Variants in RO60 observed in about 807,000 individuals in gnomAD.
RO60 encodes Ro60, Y RNA binding protein.
In RO60, 20 loss-of-function variants were observed where a neutral mutation model predicts 55.3. The ratio of observed to expected loss-of-function variants is 0.36; its 90% CI spans 0.25 to 0.53. The LOEUF is 0.53. RO60 is among the 20% of genes least tolerant of loss of function. The pLI, the probability that RO60 is intolerant of heterozygous loss-of-function variation, is 0.92. For synonymous variants in RO60, 213 were observed against 213.6 expected, an observed-to-expected ratio of 1.00 and a Z score of 0.02; for missense variants, 558 against 646.6, an observed-to-expected ratio of 0.86 and a Z score of 1.49.
intron 5 of RO60, among the ~76,000 whole-genome samples, chr1:193,079,132 G>C (rs1413895146): frequency 7.9e-6 from 1 of 125,910 alleles, no homozygotes; most frequent in African/African-American, 3.0e-5. Context: ...GTGCCACCCA[G>C]TTTGGAGTGC....
rs964344237 is a variant in RO60 at position 193,076,135 on chromosome 1, T to G, written c.801+95T>G. The G allele has an allele frequency of 8.3e-6, 6 of 725,786 alleles. No individual in the cohort carries two copies. The African/African-American group carries it at 9.3e-5, about 11-fold the overall frequency. 45.0% of individuals were successfully genotyped at this position (725,786 alleles called of 1,614,324 possible). On this transcript the variant is annotated intron_variant, in intron 3 of 8. Coordinates refer to ENST00000400968, the MANE Select transcript of RO60 (RefSeq NM_001173524.2). ...CTTGGGGTAGCTATATATTTATACT[T>G]TTAAAAAGAAATTATTTAAAATATA...
chr1:193,067,767 G>A (rs969998581), intron 1 of RO60, among the ~76,000 whole-genome samples: 9 of 152,192 alleles, frequency 5.9e-5, no homozygotes, highest in Non-Finnish European at 1.2e-4. Flanking sequence ...AGTTCTAGGA[G>A]TTTTAGAGCT....
intron 2 of RO60, among the ~76,000 whole-genome samples, chr1:193,075,118 G>C (rs1673814154): frequency 6.6e-6 from 1 of 152,032 alleles, no homozygotes. Context: ...TTTTAATGTT[G>C]TAATCCAATC....
intron 8 of RO60, among the ~76,000 whole-genome samples, chr1:193,083,072 T>G (rs890483459): frequency 6.6e-6 from 1 of 152,152 alleles, no homozygotes; most frequent in South Asian, 2.1e-4. Context: ...TATTCACTTA[T>G]GTGTTTCAAA....
intron 5 of RO60, among the ~76,000 whole-genome samples, chr1:193,078,391 A>G (rs991509858): frequency 6.6e-6 from 1 of 152,218 alleles, no homozygotes; most frequent in Admixed American, 6.5e-5. Context: ...TTAATTCCAC[A>G]TAGTATTGGA....
At chr1:193,070,025 C>G (rs1024866884) in intron 2 of RO60, among the ~76,000 whole-genome samples, 14 of 151,716 alleles carry the variant, frequency 9.2e-5, no homozygotes, top group African/African-American at 1.5e-4. Context: ...AGTTACTCAT[C>G]AGATATTCAA....
intron 5 of RO60, among the ~76,000 whole-genome samples, chr1:193,078,848 A>G (rs999119000): frequency 6.6e-6 from 1 of 151,104 alleles, no homozygotes; most frequent in Non-Finnish European, 1.5e-5. Flanking sequence ...TCCCAATGGC[A>G]TGTTTTACAG....
Position 193,086,749 on chromosome 1 carries a change from G to A in RO60, c.*2018G>A, listed in dbSNP as rs1674640270. 1 of 152,058 alleles carries A rather than the reference G, an allele frequency of 6.6e-6. No individual in the cohort carries two copies. Among genetic ancestry groups the A allele is most frequent in the African/African-American group, 2.4e-5 (1 of 41,426 alleles). The allele number at this position is 152,058 out of a possible 1,614,324, so 9.4% of individuals were successfully genotyped here. ...ATCCATCAAGGATACAAGATTGGAT[G>A]GATATGACCTTTCTGAAGTATTTAG... On this transcript the variant is annotated 3_prime_UTR_variant, in exon 9 of 9. Coordinates refer to ENST00000400968, the MANE Select transcript of RO60 (RefSeq NM_001173524.2).
intron 2 of RO60, among the ~76,000 whole-genome samples, chr1:193,074,510 T>C (rs1239666015): frequency 1.3e-5 from 2 of 152,238 alleles, no homozygotes; most frequent in Non-Finnish European, 1.5e-5. Flanking sequence ...TGTTTTCATA[T>C]GTCTTTTGGC....
In RO60 at chr1:193,085,005, T is replaced by C. The variant is rs1487378019; in HGVS notation, c.*274T>C. On this transcript the variant is annotated 3_prime_UTR_variant, in exon 9 of 9. Coordinates refer to ENST00000400968, the MANE Select transcript of RO60 (RefSeq NM_001173524.2). The stretch of plus-strand genomic sequence containing the variant: ...TGTTAACAGACACTGTAAAATAGTT[T>C]TGCTTTGTTGAATAATACGTGTGTA... 8.4e-6 allele frequency: 13 copies of C among 1,544,554 alleles called. No homozygotes were observed. The highest frequency in any genetic ancestry group is 1.2e-5 in the South Asian group (1 of 83,646).
chr1:193,076,863 A>C (rs2103056560), intron 4 of RO60, 50 bp from the exon 5 acceptor site: 2 of 1,566,292 alleles, frequency 1.3e-6, no homozygotes, highest in East Asian at 4.5e-5. Context: ...TCTAAGGAGT[A>C]TACATAATCA....
rs765062215 is a variant in RO60, at chr1:193,059,782, G to T, written c.-22+6G>T. 7.4e-7 allele frequency: 1 copy of T among 1,356,682 alleles called. No individual in the cohort carries two copies. The highest frequency in any genetic ancestry group is 9.8e-7 in the Non-Finnish European group (1 of 1,017,398). The allele number at this position is 1,356,682 out of a possible 1,614,324, so 84.0% of individuals were successfully genotyped here. On this transcript the variant is annotated splice_donor_region_variant and intron_variant, in intron 1 of 8. Transcript: ENST00000400968. The surrounding 1 kb of genome is among the most constrained non-coding windows in gnomAD (Gnocchi z 4.9). Reference sequence around the variant, plus strand: ...GGGTCGGCTGCCAGGTACAGGTGAGGACATTGCGGGAGGCCGGCTGGGAGC... The same window carrying T: ...GGGTCGGCTGCCAGGTACAGGTGAGTACATTGCGGGAGGCCGGCTGGGAGC...
intron 1 of RO60, among the ~76,000 whole-genome samples, chr1:193,065,947 AT>A (rs1292088982): frequency 6.6e-6 from 1 of 152,062 alleles, no homozygotes; most frequent in Non-Finnish European, 1.5e-5. Context: ...CCATGCACTT[AT>A]CCCTACACCA....
In RO60 at chr1:193,085,294, CAAAT is replaced by C; in HGVS notation, c.*566_*569del. On this transcript the variant is annotated 3_prime_UTR_variant, in exon 9 of 9. Transcript: ENST00000400968. ...CTTTCAGAGTTTTACTAAGATCACA[CAAAT>C]AACAGCTTTCTTATTCAGTGAAAAA... The C allele has an allele frequency of 9.3e-7, 1 of 1,079,922 alleles. No homozygotes were observed. The allele number at this position is 1,079,922 out of a possible 1,614,324, so 66.9% of individuals were successfully genotyped here.
At chr1:193,079,173 C>T (rs914872332) in intron 5 of RO60, among the ~76,000 whole-genome samples, 23 of 150,850 alleles carry the variant, frequency 1.5e-4, no homozygotes, top group African/African-American at 3.9e-4. Flanking sequence ...CTGCAACCTC[C>T]GCCTCCTGGG....
intron 1 of RO60, among the ~76,000 whole-genome samples, chr1:193,060,626 A>G (rs1186417127): frequency 6.6e-6 from 1 of 152,194 alleles, no homozygotes; most frequent in Non-Finnish European, 1.5e-5. Flanking sequence ...CATGAAATAA[A>G]CGTGGTAAAT....
intron 5 of RO60, among the ~76,000 whole-genome samples, chr1:193,080,748 A>ATT (rs1674249615): frequency 6.6e-6 from 1 of 152,222 alleles, no homozygotes; most frequent in Non-Finnish European, 1.5e-5. Context: ...TACTAAGTAA[A>ATT]ATAAGCCAGA....
At chr1:193,069,839 A>G (rs1476746233) in intron 2 of RO60, among the ~76,000 whole-genome samples, 3 of 152,244 alleles carry the variant, frequency 2.0e-5, no homozygotes, top group Admixed American at 2.0e-4. Flanking sequence ...ATCAAGAATC[A>G]AATGACAGGT....
chr1:193,083,326 G>C (rs1488626411), intron 8 of RO60, among the ~76,000 whole-genome samples: 1 of 152,030 alleles, frequency 6.6e-6, no homozygotes, highest in African/African-American at 2.4e-5. Flanking sequence ...AAAATTGAAA[G>C]TATTAGTGAG....
Sources: gnomAD v4.1 joint callset for allele counts (sites outside exome capture counted in the v4.1 genomes callset) on GRCh38, gnomAD v4.1.1 for gene constraint, Gnocchi (gnomAD v3.1) non-coding constraint, MANE v1.5 for transcripts, NCBI Gene and HGNC (gene_info 2026-07-23, HGNC 2026-07-21) for gene names.